SNX5: variants seen among roughly 807,000 people sequenced by gnomAD.
The protein encoded by SNX5 is sorting nexin-5.
SNX5 carries 31 observed loss-of-function variants against 53.9 expected under a neutral mutation model. The observed-to-expected ratio is 0.58, with a 90% CI of 0.43 to 0.78. The LOEUF (loss-of-function observed/expected upper bound fraction) is 0.78. SNX5 is among the 30% of genes least tolerant of loss of function. SNX5 has a pLI of 0.00. For synonymous variants in SNX5, 168 were observed against 171.1 expected (o/e 0.98, Z 0.14); for missense variants, 471 against 478.8 (o/e 0.98, Z 0.15).
At chr20:17,946,386 GAGAGT>G (rs894611388) in intron 11 of SNX5, among the ~76,000 whole-genome samples, 1 of 152,230 alleles carries the variant, frequency 6.6e-6, no homozygotes, top group African/African-American at 2.4e-5. Context: ...GGCTGGAGCA[GAGAGT>G]AAGATTAGCA....
At chr20:17,968,113 C>G (rs2035589021) in intron 1 of SNX5, 1 of 398,922 alleles carries the variant, frequency 2.5e-6, no homozygotes, top group African/African-American at 2.1e-5. Context: ...TCTCCAAGTC[C>G]GCTCGGCACC....
chr20:17,967,318 CTT>C (rs150896353), intron 1 of SNX5, among the ~76,000 whole-genome samples: 1,643 of 147,128 alleles, frequency 0.011, 31 homozygotes, highest in East Asian at 0.088. Context: ...CAAGTTTCCA[CTT>C]TGTTTTAGTA....
chr20:17,950,034 G>A, intron 8 of SNX5, 98 bp downstream of exon 8: 1 of 1,007,410 alleles, frequency 9.9e-7, no homozygotes, highest in Non-Finnish European at 1.5e-6. Flanking sequence ...TGTAACTCCA[G>A]AGCAGGACCA....
chr20:17,945,796 G>A (rs919076110), intron 11 of SNX5, among the ~76,000 whole-genome samples: 7 of 152,178 alleles, frequency 4.6e-5, no homozygotes, highest in Admixed American at 1.3e-4. Flanking sequence ...CAAATGATTA[G>A]AAATCTATAA....
In SNX5 at chr20:17,955,487, G is replaced by T. The variant is rs756161795; in HGVS notation, c.157-12C>A. On this transcript the variant is annotated splice_polypyrimidine_tract_variant and intron_variant, in intron 2 of 12. Coordinates refer to ENST00000377759, the MANE Select transcript of SNX5 (RefSeq NM_014426.4). ...GTGGGCAGTGTGGTCTGTAAAGAAA[G>T]AAAGAAGTTAACTGGTAACCACGAC... 6 of 1,602,192 alleles carry T rather than the reference G, an allele frequency of 3.7e-6. No homozygotes were observed. Among genetic ancestry groups the T allele is most frequent in the South Asian group, 1.1e-5 (1 of 90,410 alleles).
At position 17,942,070 on chromosome 20, in the gene SNX5, C is replaced by A. The variant is rs1386575721; in HGVS notation, c.*287G>T. 1 of 368,062 alleles carries A rather than the reference C, an allele frequency of 2.7e-6. No individual in the cohort carries two copies. The highest frequency in any genetic ancestry group is 2.1e-5 in the African/African-American group (1 of 47,218). 22.8% of individuals were successfully genotyped at this position (368,062 alleles called of 1,614,324 possible). On this transcript the variant is annotated 3_prime_UTR_variant, in exon 13 of 13. Transcript: ENST00000377759. ...ACTTGTTTCCAGAAGGCTAATGTGTCCTACACCCTTTCTTAGTAACTAAAG... is the reference window on the plus strand; with the variant it reads ...ACTTGTTTCCAGAAGGCTAATGTGTACTACACCCTTTCTTAGTAACTAAAG...
chr20:17,965,397 G>A (rs1239357029), intron 1 of SNX5, among the ~76,000 whole-genome samples: 1 of 152,188 alleles, frequency 6.6e-6, no homozygotes, highest in Non-Finnish European at 1.5e-5. Context: ...CGAATGAGGA[G>A]TTTACAGCTC....
At chr20:17,957,160 G>T in intron 1 of SNX5, 123 bp from the exon 2 acceptor site, 2 of 664,714 alleles carry the variant, frequency 3.0e-6, no homozygotes. Context: ...GTTGAGCTGG[G>T]CGCGGCGGCT....
At chr20:17,961,277 C>A in intron 1 of SNX5, 1 of 985,402 alleles carries the variant, frequency 1.0e-6, no homozygotes, top group Non-Finnish European at 1.2e-6. Context: ...AGCAAAGCTG[C>A]CTCTTCAAAA....
intron 1 of SNX5, among the ~76,000 whole-genome samples, chr20:17,960,749 C>CA (rs1287951441): frequency 6.7e-6 from 1 of 150,326 alleles, no homozygotes; most frequent in Non-Finnish European, 1.5e-5. Flanking sequence ...TGCACTTCAG[C>CA]CTGGGCAACA....
At chr20:17,953,050 A>G (rs2039592151) in intron 4 of SNX5, among the ~76,000 whole-genome samples, 1 of 152,246 alleles carries the variant, frequency 6.6e-6, no homozygotes, top group East Asian at 1.9e-4. Flanking sequence ...CTAAGTATAC[A>G]GCATGAGTCT....
At chr20:17,966,968 T>C (rs558954994) in intron 1 of SNX5, among the ~76,000 whole-genome samples, 51 of 152,328 alleles carry the variant, frequency 3.3e-4, no homozygotes, top group African/African-American at 1.1e-3. Flanking sequence ...ATTCCTGTAA[T>C]GTAAAAAGGA....
chr20:17,968,594 GC>G lies in SNX5; in HGVS notation c.-170del, dbSNP rs1218164867. The G allele has an allele frequency of 1.5e-6, 1 of 654,154 alleles. No individual in the cohort carries two copies. The allele number at this position is 654,154 out of a possible 1,614,324, so 40.5% of individuals were successfully genotyped here. A position where few individuals can be genotyped will look rare whatever the true frequency, so the allele number is the denominator to read the frequency against. ...TCCGGACTCCGCCACCATCCCAGCT[GC>G]CCCGGGAGCAGGCGAGCAGGGCGCC... On this transcript the variant is annotated 5_prime_UTR_variant, in exon 1 of 13. Transcript: ENST00000377759.
intron 12 of SNX5, 160 bp from the exon 13 acceptor site, chr20:17,942,567 C>G: frequency 4.7e-6 from 3 of 637,130 alleles, no homozygotes; most frequent in Non-Finnish European, 8.5e-6. Context: ...CTGCAACGTA[C>G]CACGCATCCC....
chr20:17,959,306 G>A (rs931750009), intron 1 of SNX5, among the ~76,000 whole-genome samples: 5 of 151,984 alleles, frequency 3.3e-5, no homozygotes, highest in Admixed American at 2.6e-4. Flanking sequence ...TTCTCTTTTC[G>A]TCCCTTTCCC....
chr20:17,965,842 G>A (rs2035528302), intron 1 of SNX5, among the ~76,000 whole-genome samples: 1 of 152,106 alleles, frequency 6.6e-6, no homozygotes. Flanking sequence ...CCTCAACTTA[G>A]AAAATAGTTG....
Position 17,942,070 on chromosome 20 carries a change from C to G in SNX5, c.*287G>C. ...ACTTGTTTCCAGAAGGCTAATGTGTCCTACACCCTTTCTTAGTAACTAAAG... is the reference window on the plus strand; with the variant it reads ...ACTTGTTTCCAGAAGGCTAATGTGTGCTACACCCTTTCTTAGTAACTAAAG... On this transcript the variant is annotated 3_prime_UTR_variant, in exon 13 of 13. Coordinates refer to ENST00000377759, the MANE Select transcript of SNX5 (RefSeq NM_014426.4). 1 of 368,180 alleles carries G rather than the reference C, an allele frequency of 2.7e-6. No homozygotes were observed. Among genetic ancestry groups the G allele is most frequent in the South Asian group, 2.5e-5 (1 of 40,444 alleles). The allele number at this position is 368,180 out of a possible 1,614,324, so 22.8% of individuals were successfully genotyped here.
intron 1 of SNX5, among the ~76,000 whole-genome samples, chr20:17,963,892 G>T (rs1801119241): frequency 8.2e-6 from 1 of 121,808 alleles, no homozygotes; most frequent in Admixed American, 8.1e-5. Flanking sequence ...CCGCTTTTTG[G>T]TTGGACATTT....
chr20:17,967,713 A>C, intron 1 of SNX5: 2 of 183,170 alleles, frequency 1.1e-5, no homozygotes, highest in East Asian at 1.4e-4. Flanking sequence ...GGCTATGGGA[A>C]TTTCAATTTA....
Sources: gnomAD v4.1 joint callset for allele counts (sites outside exome capture counted in the v4.1 genomes callset) on GRCh38, gnomAD v4.1.1 for gene constraint, MANE v1.5 for transcripts, NCBI Gene and HGNC (gene_info 2026-07-23, HGNC 2026-07-21) for gene names.